The following LRRC4C variants were observed in gnomAD, a reference collection of about 807,000 sequenced individuals.
LRRC4C encodes leucine rich repeat containing 4C, also known as leucine-rich repeat-containing protein 4C.
In LRRC4C, 5 loss-of-function variants were observed where a neutral mutation model predicts 33.6. The observed-to-expected ratio is 0.15, with a 90% CI of 0.08 to 0.31. LRRC4C has a LOEUF of 0.31. Ranked by LOEUF, LRRC4C falls within the 10% of genes least tolerant of loss-of-function variation. The pLI, the probability that LRRC4C is intolerant of heterozygous loss-of-function variation, is 1.00. For missense variants in LRRC4C, 560 were observed against 796.7 expected (o/e 0.70, Z 3.58); for synonymous variants, 329 against 302.0 (o/e 1.09, Z -0.93).
chr11:41,003,533 G>A (rs1854527257), intron 1 of LRRC4C, among the ~76,000 whole-genome samples: 1 of 147,912 alleles, frequency 6.8e-6, no homozygotes, highest in South Asian at 2.1e-4. Flanking sequence ...TATGTCAACC[G>A]ACAATTATGC....
intron 3 of LRRC4C, among the ~76,000 whole-genome samples, chr11:40,581,173 A>G (rs1958448203): frequency 6.6e-6 from 1 of 152,218 alleles, no homozygotes; most frequent in Non-Finnish European, 1.5e-5. Context: ...AATTACACTA[A>G]CAGAAAATTG....
chr11:40,642,922 C>A (rs771304025), intron 3 of LRRC4C, among the ~76,000 whole-genome samples: 15 of 152,104 alleles, frequency 9.9e-5, no homozygotes, highest in Non-Finnish European at 1.8e-4. Flanking sequence ...CAAGGGACTT[C>A]CACTTACAGA....
At chr11:40,123,933 C>G (rs1856014170) in intron 6 of LRRC4C, among the ~76,000 whole-genome samples, 1 of 152,050 alleles carries the variant, frequency 6.6e-6, no homozygotes, top group Non-Finnish European at 1.5e-5. Context: ...GAAACAAATC[C>G]ATACATCTAC....
At chr11:40,298,702 T>A (rs183003178) in intron 4 of LRRC4C, among the ~76,000 whole-genome samples, 108 of 152,098 alleles carry the variant, frequency 7.1e-4, no homozygotes, top group Non-Finnish European at 4.1e-4. Context: ...GGCTAATTTA[T>A]AAAGAAAATA....
chr11:41,008,205 C>T (rs1247686069), intron 1 of LRRC4C, among the ~76,000 whole-genome samples: 1 of 152,074 alleles, frequency 6.6e-6, no homozygotes, highest in African/African-American at 2.4e-5. Context: ...GCTTTCTCTA[C>T]AATCCATACC....
chr11:40,469,556 G>T (rs555174671), intron 3 of LRRC4C, among the ~76,000 whole-genome samples: 1 of 152,128 alleles, frequency 6.6e-6, no homozygotes, highest in Non-Finnish European at 1.5e-5. Context: ...TGGAAAGGGG[G>T]CTGAAGCCAG....
At chr11:41,338,669 T>A (rs1019031256) in intron 1 of LRRC4C, among the ~76,000 whole-genome samples, 6 of 152,098 alleles carry the variant, frequency 3.9e-5, no homozygotes, top group Non-Finnish European at 7.4e-5. Flanking sequence ...CACGCCTGCA[T>A]GTTCTGTACA....
chr11:40,788,697 G>A (rs1591722562), intron 2 of LRRC4C, among the ~76,000 whole-genome samples: 1 of 152,106 alleles, frequency 6.6e-6, no homozygotes, highest in Non-Finnish European at 1.5e-5. Flanking sequence ...CATTTATGAA[G>A]TTATAATGCT....
intron 4 of LRRC4C, among the ~76,000 whole-genome samples, chr11:40,307,706 C>A (rs957750288): frequency 3.3e-5 from 5 of 152,086 alleles, no homozygotes; most frequent in African/African-American, 1.2e-4. Flanking sequence ...CAGTTGCTGG[C>A]ATATATTAGT....
At chr11:40,735,832 C>T (rs1399021800) in intron 2 of LRRC4C, among the ~76,000 whole-genome samples, 3 of 150,420 alleles carry the variant, frequency 2.0e-5, no homozygotes, top group Non-Finnish European at 4.4e-5. Context: ...TGTTTCCTGA[C>T]TTTTTAATGA....
intron 1 of LRRC4C, among the ~76,000 whole-genome samples, chr11:41,205,016 C>T (rs1050219242): frequency 1.3e-5 from 2 of 152,088 alleles, no homozygotes; most frequent in Non-Finnish European, 2.9e-5. Flanking sequence ...AAAGGATCAC[C>T]AACCCTTTGG....
In LRRC4C at chr11:41,028,774, G is replaced by GT. The variant is rs534133378; in HGVS notation, c.-495-95052dup. Among the ~76,000 whole-genome samples the GT allele has an allele frequency of 3.7e-4, 55 of 150,226 alleles. No homozygotes were observed. The East Asian group carries it at 5.1e-3, about 14-fold the overall frequency. Reference sequence around the variant, plus strand: ...GTGTTTGTTCCCTTATGCTTGGAATGTTTTTTTTTCTTTCCCATGGGGGCA... The same window carrying GT: ...GTGTTTGTTCCCTTATGCTTGGAATGTTTTTTTTTTCTTTCCCATGGGGGCA... On this transcript the variant is annotated intron_variant, in intron 1 of 6. Coordinates refer to ENST00000528697, the MANE Select transcript of LRRC4C (RefSeq NM_001258419.2).
At chr11:40,758,427 TA>T (rs1044497328) in intron 2 of LRRC4C, among the ~76,000 whole-genome samples, 2 of 152,002 alleles carry the variant, frequency 1.3e-5, no homozygotes, top group Non-Finnish European at 2.9e-5. Flanking sequence ...TTAAATAATT[TA>T]AATGCCCTCA....
At chr11:40,974,843 C>T (rs1482785710) in intron 1 of LRRC4C, among the ~76,000 whole-genome samples, 1 of 152,198 alleles carries the variant, frequency 6.6e-6, no homozygotes, top group Non-Finnish European at 1.5e-5. Flanking sequence ...GGACACTCTA[C>T]TCCTCCTGTT....
chr11:40,991,822 G>T (rs1048271972), intron 1 of LRRC4C, among the ~76,000 whole-genome samples: 15 of 152,242 alleles, frequency 9.9e-5, no homozygotes, highest in African/African-American at 3.4e-4. Context: ...TAATGTGAGC[G>T]AGGGGAATTG....
intron 3 of LRRC4C, among the ~76,000 whole-genome samples, chr11:40,438,214 T>C (rs145426520): frequency 3.3e-5 from 5 of 152,338 alleles, no homozygotes; most frequent in African/African-American, 9.6e-5. Context: ...TTGCCTGATA[T>C]ATGCTTCCCC....
chr11:40,251,090 A>G (rs1035436386), intron 4 of LRRC4C, among the ~76,000 whole-genome samples: 1 of 152,210 alleles, frequency 6.6e-6, no homozygotes, highest in Non-Finnish European at 1.5e-5. Context: ...AAACAAATGC[A>G]TAAACAAGAC....
intron 1 of LRRC4C, among the ~76,000 whole-genome samples, chr11:41,165,818 C>T (rs7940033): frequency 0.92 from 140,280 of 152,012 alleles, 65,261 homozygotes; most frequent in East Asian, 1. Context: ...CCACCTGAGG[C>T]CAGGAGTTCG....
intron 1 of LRRC4C, among the ~76,000 whole-genome samples, chr11:40,942,572 CGTAA>C (rs1958206105): frequency 6.6e-6 from 1 of 152,078 alleles, no homozygotes. Context: ...GGAGCATGTA[CGTAA>C]GTGTGTTGGT....
Sources: allele counts gnomAD v4.1 joint callset (sites outside exome capture counted in the v4.1 genomes callset), GRCh38; gene constraint gnomAD v4.1.1; transcripts MANE v1.5; gene names NCBI Gene and HGNC (gene_info 2026-07-23, HGNC 2026-07-21).